The following SLCO1B3 variants were observed in gnomAD, a reference collection of about 807,000 sequenced individuals.
SLCO1B3 encodes the protein solute carrier organic anion transporter family member 1B3, also known as liver-specific organic anion transporter 2.
A neutral mutation model predicts 71.8 loss-of-function variants in SLCO1B3; 72 were observed. The ratio of observed to expected loss-of-function variants is 1.00; its 90% CI spans 0.83 to 1.22. The LOEUF (loss-of-function observed/expected upper bound fraction) is 1.22. SLCO1B3 is among the 50% of genes most tolerant of loss of function. SLCO1B3 has a pLI of 0.00. For missense variants in SLCO1B3, 911 were observed against 819.7 expected, an observed-to-expected ratio of 1.11 and a Z score of -1.36; for synonymous variants, 298 against 278.4, an observed-to-expected ratio of 1.07 and a Z score of -0.70.
chr12:20,887,059 AT>A (rs1350812537), intron 13 of SLCO1B3, among the ~76,000 whole-genome samples: 1 of 152,048 alleles, frequency 6.6e-6, no homozygotes, highest in Non-Finnish European at 1.5e-5. Flanking sequence ...TCACTTTTTA[AT>A]TGCTCACTAG....
rs114329213 is a variant in SLCO1B3, at chr12:20,859,587, G to T, written c.359+1016G>T. On this transcript the variant is annotated intron_variant, in intron 5 of 15. Coordinates refer to ENST00000381545, the MANE Select transcript of SLCO1B3 (RefSeq NM_019844.4). ...AATCTTGATTCATTTTTCTATTTTTGTGGCTTCATCATGCCCATCTTTTTC... is the reference window on the plus strand; with the variant it reads ...AATCTTGATTCATTTTTCTATTTTTTTGGCTTCATCATGCCCATCTTTTTC... Among the ~76,000 whole-genome samples the T allele has an allele frequency of 1.9e-3, 285 of 148,040 alleles. 1 individual carries two copies. Among genetic ancestry groups the T allele is most frequent in the African/African-American group, 6.9e-3 (280 of 40,530 alleles).
chr12:20,890,695 T>G (rs537553725), intron 13 of SLCO1B3, among the ~76,000 whole-genome samples: 118 of 152,296 alleles, frequency 7.7e-4, no homozygotes, highest in Middle Eastern at 3.4e-3. Flanking sequence ...TGAATTGGGG[T>G]GCTCCAATGT....
intron 5 of SLCO1B3, chr12:20,858,791 AATAAT>A (rs1184355792): frequency 3.3e-6 from 1 of 299,730 alleles, no homozygotes; most frequent in Non-Finnish European, 6.1e-6. Flanking sequence ...TTTAAATAAG[AATAAT>A]ATTATATAAG....
chr12:20,850,255 A>ATTTT (rs1555154814), intron 3 of SLCO1B3, among the ~76,000 whole-genome samples: 56 of 124,398 alleles, frequency 4.5e-4, no homozygotes, highest in South Asian at 1.2e-3. Context: ...TATTATTATT[A>ATTTT]TTTTATTTAT....
chr12:20,911,768 G>A (rs1335135629), intron 15 of SLCO1B3, among the ~76,000 whole-genome samples: 2 of 152,136 alleles, frequency 1.3e-5, no homozygotes, highest in Non-Finnish European at 2.9e-5. Context: ...GGTCAATGGG[G>A]TCTACAGTGA....
chr12:20,845,540 C>T (rs912205963), intron 3 of SLCO1B3, among the ~76,000 whole-genome samples: 4 of 151,908 alleles, frequency 2.6e-5, no homozygotes, highest in African/African-American at 9.7e-5. Flanking sequence ...TAAATGTTTA[C>T]AAGGACCTCA....
chr12:20,858,736 T>G, intron 5 of SLCO1B3, 165 bp downstream of exon 5: 1 of 445,296 alleles, frequency 2.2e-6, no homozygotes, highest in South Asian at 6.2e-5. Flanking sequence ...CATGTATTGC[T>G]TTATTCATCA....
intron 8 of SLCO1B3, among the ~76,000 whole-genome samples, chr12:20,872,760 G>A (rs1485243113): frequency 6.6e-6 from 1 of 152,022 alleles, no homozygotes; most frequent in Non-Finnish European, 1.5e-5. Context: ...AACTCTGCCT[G>A]GTGCCCTATT....
At chr12:20,841,894 TTTTTTTTTGA>T (rs1864811813) in intron 3 of SLCO1B3, among the ~76,000 whole-genome samples, 1 of 145,808 alleles carries the variant, frequency 6.9e-6, no homozygotes, top group Non-Finnish European at 1.5e-5. Context: ...GTTTTTTTTT[TTTTTTTTTGA>T]GACAGAGTCT....
chr12:20,815,414 TTTATA>T (rs2121068940), intron 2 of SLCO1B3, among the ~76,000 whole-genome samples: 1 of 152,298 alleles, frequency 6.6e-6, no homozygotes, highest in East Asian at 1.9e-4. Context: ...AGTGTGTGGT[TTTATA>T]TTATTTACTT....
At chr12:20,821,728 CT>C (rs1193534971) in intron 3 of SLCO1B3, among the ~76,000 whole-genome samples, 1 of 152,078 alleles carries the variant, frequency 6.6e-6, no homozygotes, top group East Asian at 1.9e-4. Flanking sequence ...AAAAGCGGGA[CT>C]TGCGGCTAAG....
At chr12:20,844,420 G>T (rs4497460) in intron 3 of SLCO1B3, among the ~76,000 whole-genome samples, 81,963 of 151,342 alleles carry the variant, frequency 0.54, 24,768 homozygotes, top group South Asian at 0.77. Flanking sequence ...ACAAAAATTA[G>T]CCAGGCATGG....
Position 20,825,307 on chromosome 12 carries a change from C to T in SLCO1B3, c.84+9485C>T, listed in dbSNP as rs75956016. ...AAATTGGCCCTTATAATTTCACAGA[C>T]GCATGTCTTCTGTGACAGTCCCTGG... On this transcript the variant is annotated intron_variant, in intron 3 of 15. Coordinates refer to ENST00000381545, the MANE Select transcript of SLCO1B3 (RefSeq NM_019844.4). 9.4e-3 allele frequency among the ~76,000 whole-genome samples: 1,434 copies of T among 152,152 alleles called. 16 individuals carry two copies. Among genetic ancestry groups the T allele is most frequent in the South Asian group, 0.03 (146 of 4,816 alleles).
Position 20,833,540 on chromosome 12 carries a change from G to A in SLCO1B3, c.84+17718G>A, listed in dbSNP as rs149877438. Among the ~76,000 whole-genome samples, 928 of 143,610 alleles carry A rather than the reference G, an allele frequency of 6.5e-3. 11 individuals carry two copies. The highest frequency in any genetic ancestry group is 0.023 in the African/African-American group (898 of 38,980). The allele number at this position is 143,610 out of a possible 152,430, so 94.2% of individuals were successfully genotyped here. On this transcript the variant is annotated intron_variant, in intron 3 of 15. Coordinates refer to ENST00000381545, the MANE Select transcript of SLCO1B3 (RefSeq NM_019844.4). ...GTATATACATATATAGTTTATATAT[G>A]TATATTGTACACATATGTTTACTAT...
At chr12:20,833,932 A>T (rs10841663) in intron 3 of SLCO1B3, among the ~76,000 whole-genome samples, 66,684 of 146,278 alleles carry the variant, frequency 0.46, 17,162 homozygotes, top group South Asian at 0.64. Context: ...GTACACATAC[A>T]TATGTACACA....
chr12:20,877,898 A>G lies in SLCO1B3; in HGVS notation c.1097A>G (p.Gln366Arg). 1 of 1,591,586 alleles carries G rather than the reference A, an allele frequency of 6.3e-7. No homozygotes were observed. The highest frequency in any genetic ancestry group is 2.3e-5 in the East Asian group (1 of 43,202). Reference sequence around the variant, plus strand: ...TACGTCTTTAAATATATGGAGCAACAGTACGGTCAGTCTGCATCTCATGCT... The same window carrying G: ...TACGTCTTTAAATATATGGAGCAACGGTACGGTCAGTCTGCATCTCATGCT... Reference protein sequence around the residue: ...FTYVFKYMEQQYGQSASHANF... With the variant: ...FTYVFKYMEQRYGQSASHANF... Residue 366 changes from glutamine (Q) to arginine (R), a missense_variant, in exon 10 of 16, where the codon CAG (glutamine) becomes CGG (arginine). By Grantham distance (43) the Gln-to-Arg change is conservative (BLOSUM62 1). Transcript: ENST00000381545.
chr12:20,859,165 C>T (rs1457592623), intron 5 of SLCO1B3, among the ~76,000 whole-genome samples: 1 of 152,152 alleles, frequency 6.6e-6, no homozygotes, highest in Non-Finnish European at 1.5e-5. Flanking sequence ...AATGTATTTC[C>T]AGGCAACAGG....
At chr12:20,820,189 A>G (rs1459104182) in intron 3 of SLCO1B3, among the ~76,000 whole-genome samples, 24 of 151,878 alleles carry the variant, frequency 1.6e-4, no homozygotes, top group African/African-American at 5.8e-4. Context: ...AAGGGGACGG[A>G]CTTACCCTCC....
At chr12:20,913,130 A>G (rs1017314863) in intron 15 of SLCO1B3, among the ~76,000 whole-genome samples, 1 of 152,116 alleles carries the variant, frequency 6.6e-6, no homozygotes, top group Admixed American at 6.5e-5. Context: ...GAGTTCAACT[A>G]TGTCTGATTG....
Sources: allele counts gnomAD v4.1 joint callset (sites outside exome capture counted in the v4.1 genomes callset), GRCh38; gene constraint gnomAD v4.1.1; transcripts MANE v1.5; gene names NCBI Gene and HGNC (gene_info 2026-07-23, HGNC 2026-07-21).